Variants in SV2B observed in about 807,000 individuals in gnomAD.
SV2B encodes the protein solute carrier family 22 member B2.
A neutral mutation model predicts 73.9 loss-of-function variants in SV2B; 41 were observed. That is an observed-to-expected ratio of 0.56 (90% CI 0.43 to 0.72). The LOEUF (loss-of-function observed/expected upper bound fraction) is 0.72, where lower values mean the gene tolerates loss of function less well. SV2B is among the 30% of genes least tolerant of loss of function. The pLI, the probability that SV2B is intolerant of heterozygous loss-of-function variation, is 0.00. For synonymous variants in SV2B, 314 were observed against 314.2 expected, an observed-to-expected ratio of 1.00 and a Z score of 0.01; for missense variants, 764 against 857.8, an observed-to-expected ratio of 0.89 and a Z score of 1.37.
intron 1 of SV2B, among the ~76,000 whole-genome samples, chr15:91,218,825 A>T (rs1177215325): frequency 6.6e-6 from 1 of 152,152 alleles, no homozygotes; most frequent in East Asian, 1.9e-4. Flanking sequence ...GGACCACCAG[A>T]TGTGCTCAGC....
chr15:91,243,353 A>G (rs755249759), intron 2 of SV2B, among the ~76,000 whole-genome samples: 21 of 152,152 alleles, frequency 1.4e-4, no homozygotes, highest in Non-Finnish European at 2.6e-4. Context: ...TTTCTGAAAC[A>G]TCTCTAGTGT....
chr15:91,191,781 C>G (rs2045042442), intron 1 of SV2B, among the ~76,000 whole-genome samples: 1 of 152,208 alleles, frequency 6.6e-6, no homozygotes, highest in South Asian at 2.1e-4. Flanking sequence ...CAAAATACAA[C>G]TTGAGAATCT....
intron 4 of SV2B, among the ~76,000 whole-genome samples, chr15:91,254,875 T>A (rs971856373): frequency 7.9e-5 from 12 of 152,334 alleles, no homozygotes; most frequent in African/African-American, 1.2e-4. Flanking sequence ...GCTTGTTTCA[T>A]GGGGAAAGCC....
In SV2B at chr15:91,139,500, A is replaced by T. The variant is rs2042939955; in HGVS notation, c.-392+39137A>T. 6.6e-6 allele frequency among the ~76,000 whole-genome samples: 1 copy of T among 152,202 alleles called. No homozygotes were observed. Among genetic ancestry groups the T allele is most frequent in the Admixed American group, 6.5e-5 (1 of 15,278 alleles). Reference sequence around the variant, plus strand: ...GAGAGGTGTACAAGTAGCACCCAGAACAGAAAAGCAGGGTGAGGGCAAACA... The same window carrying T: ...GAGAGGTGTACAAGTAGCACCCAGATCAGAAAAGCAGGGTGAGGGCAAACA... On this transcript the variant is annotated intron_variant, in intron 1 of 12. Transcript: ENST00000394232. This position sits in a 1 kb window ranked among gnomAD's most constrained non-coding sequence, Gnocchi z 5.2.
Position 91,143,479 on chromosome 15 carries a change from T to A in SV2B, c.-392+43116T>A, listed in dbSNP as rs75700144. Reference sequence around the variant, plus strand: ...AGTTTGTCACGAAATATCTCACTTTTATTGTTATTTTCACATTGCTCCAGT... The same window carrying A: ...AGTTTGTCACGAAATATCTCACTTTAATTGTTATTTTCACATTGCTCCAGT... On this transcript the variant is annotated intron_variant, in intron 1 of 12. Coordinates refer to ENST00000394232, the MANE Select transcript of SV2B (RefSeq NM_001323032.3). Among the ~76,000 whole-genome samples the A allele has an allele frequency of 7.7e-3, 1,176 of 152,298 alleles. 17 individuals are homozygous for A. Among genetic ancestry groups the A allele is most frequent in the African/African-American group, 0.027 (1,137 of 41,562 alleles).
Position 91,123,885 on chromosome 15 carries a change from C to G in SV2B, c.-392+23522C>G, listed in dbSNP as rs187872836. Among the ~76,000 whole-genome samples, 2 of 152,308 alleles carry G rather than the reference C, an allele frequency of 1.3e-5. No individual in the cohort carries two copies. On this transcript the variant is annotated intron_variant, in intron 1 of 12. Coordinates refer to ENST00000394232, the MANE Select transcript of SV2B (RefSeq NM_001323032.3). This position sits in a 1 kb window ranked among gnomAD's most constrained non-coding sequence, Gnocchi z 4.7. The stretch of plus-strand genomic sequence containing the variant: ...GAGATGACCCTGGGCTCTAAGCACA[C>G]TTGGTCTGTGTCCCAGGCATATCTA...
At chr15:91,163,232 A>G (rs919027385) in intron 1 of SV2B, among the ~76,000 whole-genome samples, 3 of 152,198 alleles carry the variant, frequency 2.0e-5, no homozygotes, top group African/African-American at 7.2e-5. Context: ...ATACGTGTGC[A>G]TGTGTCTTTA....
At chr15:91,206,584 C>T (rs916230622) in intron 1 of SV2B, among the ~76,000 whole-genome samples, 1 of 152,110 alleles carries the variant, frequency 6.6e-6, no homozygotes, top group Admixed American at 6.6e-5. Flanking sequence ...TGAGGAAGCC[C>T]ATCCATCTGG....
intron 1 of SV2B, among the ~76,000 whole-genome samples, chr15:91,198,094 A>G (rs556968748): frequency 6.6e-6 from 1 of 152,180 alleles, no homozygotes; most frequent in South Asian, 2.1e-4. Flanking sequence ...ATGTAGGAAA[A>G]TATAACTGGT....
intron 6 of SV2B, among the ~76,000 whole-genome samples, chr15:91,263,352 A>G (rs552519402): frequency 6.6e-6 from 1 of 152,252 alleles, no homozygotes; most frequent in South Asian, 2.1e-4. Context: ...ACATGAAGAC[A>G]GACACACAGA....
intron 4 of SV2B, among the ~76,000 whole-genome samples, chr15:91,256,849 G>A (rs1036221538): frequency 6.6e-6 from 1 of 152,178 alleles, no homozygotes. Context: ...GCAGATAATT[G>A]GTTAGGAGTC....
Position 91,266,584 on chromosome 15 carries a change from T to G in SV2B, c.1011T>G (p.Val337=), listed in dbSNP as rs2048109347. The G allele has an allele frequency of 6.2e-7, 1 of 1,613,278 alleles. No individual in the cohort carries two copies. The highest frequency in any genetic ancestry group is 8.5e-7 in the Non-Finnish European group (1 of 1,179,566). ...TATATCCTATTTTTACTTTTCAGGT[T>G]TCCAACATCAAAACTCCCAAGCAAA... is the stretch of plus-strand genomic sequence containing the variant. The part of the protein sequence containing the change: ...AKGTPEKVFT[V]SNIKTPKQMD... Residue 337 remains valine (V), a splice_region_variant and synonymous_variant, in exon 7 of 13, where the codon GTT becomes GTG. Coordinates refer to ENST00000394232, the MANE Select transcript of SV2B (RefSeq NM_001323032.3).
intron 1 of SV2B, among the ~76,000 whole-genome samples, chr15:91,165,153 A>G (rs937170600): frequency 2.6e-5 from 4 of 152,038 alleles, no homozygotes; most frequent in African/African-American, 9.7e-5. Context: ...CCTGGCCAAT[A>G]TGTTGAAACC....
chr15:91,156,000 T>G (rs2043478149), intron 1 of SV2B, among the ~76,000 whole-genome samples: 1 of 151,992 alleles, frequency 6.6e-6, no homozygotes, highest in African/African-American at 2.4e-5. Flanking sequence ...TCTGATGAGC[T>G]GATATAGAAA....
intron 1 of SV2B, among the ~76,000 whole-genome samples, chr15:91,119,035 G>A (rs1333291975): frequency 6.6e-6 from 1 of 152,152 alleles, no homozygotes; most frequent in Non-Finnish European, 1.5e-5. Flanking sequence ...TGTCTGGCCT[G>A]TAGCAGATGG....
chr15:91,135,374 G>C (rs1229777793), intron 1 of SV2B, among the ~76,000 whole-genome samples: 1 of 152,184 alleles, frequency 6.6e-6, no homozygotes, highest in Non-Finnish European at 1.5e-5. Context: ...CTTCACCTCA[G>C]ATTCTCCCGT....
At chr15:91,266,177 A>G (rs1192386259) in intron 6 of SV2B, among the ~76,000 whole-genome samples, 1 of 152,146 alleles carries the variant, frequency 6.6e-6, no homozygotes, top group Non-Finnish European at 1.5e-5. Flanking sequence ...ACAAATAAAA[A>G]AAACAAAACC....
rs766281282 is a variant in SV2B, at chr15:91,129,357, G to T, written c.-392+28994G>T. Among the ~76,000 whole-genome samples the T allele has an allele frequency of 6.6e-6, 1 of 152,184 alleles. No homozygotes were observed. The highest frequency in any genetic ancestry group is 1.5e-5 in the Non-Finnish European group (1 of 68,026). The stretch of plus-strand genomic sequence containing the variant: ...AAAGTGAAAGGAAGGCTGTGGCAAA[G>T]GTATACGTAAAATGCAGGGTTGTGA... On this transcript the variant is annotated intron_variant, in intron 1 of 12. Coordinates refer to ENST00000394232, the MANE Select transcript of SV2B (RefSeq NM_001323032.3). This position sits in a 1 kb window ranked among gnomAD's most constrained non-coding sequence, Gnocchi z 5.1.
chr15:91,249,400 T>C (rs2047393209), intron 2 of SV2B, among the ~76,000 whole-genome samples: 1 of 152,210 alleles, frequency 6.6e-6, no homozygotes. Flanking sequence ...GAGCACCTTT[T>C]TTCTCACTCA....
Sources: allele counts gnomAD v4.1 joint callset (sites outside exome capture counted in the v4.1 genomes callset), GRCh38; gene constraint gnomAD v4.1.1; non-coding constraint Gnocchi (gnomAD v3.1); transcripts MANE v1.5; gene names NCBI Gene and HGNC (gene_info 2026-07-23, HGNC 2026-07-21).